THEMIS: variants seen among roughly 807,000 people sequenced by gnomAD.
The protein encoded by THEMIS is thymocyte selection associated, also known as protein THEMIS.
THEMIS carries 37 observed loss-of-function variants against 52.6 expected under a neutral mutation model. The observed-to-expected ratio is 0.70, with a 90% confidence interval of 0.54 to 0.93. The LOEUF is 0.93. THEMIS is among the 40% of genes least tolerant of loss of function. THEMIS has a pLI of 0.00. For synonymous variants in THEMIS, 292 were observed against 272.7 expected, an observed-to-expected ratio of 1.07 and a Z score of -0.70; for missense variants, 808 against 763.1, an observed-to-expected ratio of 1.06 and a Z score of -0.69.
intron 4 of THEMIS, among the ~76,000 whole-genome samples, chr6:127,809,837 T>C (rs1777840138): frequency 6.7e-6 from 1 of 149,912 alleles, no homozygotes; most frequent in South Asian, 2.1e-4. Context: ...AAATAACTAA[T>C]ATCATCTAGT....
chr6:127,729,364 A>C (rs974734175), intron 4 of THEMIS, among the ~76,000 whole-genome samples: 5 of 151,976 alleles, frequency 3.3e-5, no homozygotes, highest in African/African-American at 9.7e-5. Context: ...TCCTTTCGAG[A>C]GGTCTATGGA....
chr6:127,749,796 A>T (rs1775571510), intron 4 of THEMIS, among the ~76,000 whole-genome samples: 1 of 151,570 alleles, frequency 6.6e-6, no homozygotes, highest in African/African-American at 2.4e-5. Flanking sequence ...GCTGAACTGA[A>T]AGTTTATTAG....
At chr6:127,759,395 T>C (rs1775939953) in intron 4 of THEMIS, among the ~76,000 whole-genome samples, 1 of 152,168 alleles carries the variant, frequency 6.6e-6, no homozygotes, top group Admixed American at 6.5e-5. Context: ...ATAAATTGAA[T>C]ATATTCAACT....
At chr6:127,738,452 CAA>C (rs1775082129) in intron 4 of THEMIS, among the ~76,000 whole-genome samples, 1 of 152,174 alleles carries the variant, frequency 6.6e-6, no homozygotes, top group Non-Finnish European at 1.5e-5. Context: ...ATTACAATAG[CAA>C]AGAGTTACAA....
At chr6:127,711,006 C>T (rs1773962094) in intron 5 of THEMIS, among the ~76,000 whole-genome samples, 1 of 146,798 alleles carries the variant, frequency 6.8e-6, no homozygotes, top group Middle Eastern at 3.2e-3. Flanking sequence ...TTCCTTCCTC[C>T]TTCCTTCCAT....
chr6:127,858,981 G>A (rs1452312343), intron 1 of THEMIS, among the ~76,000 whole-genome samples: 1 of 152,032 alleles, frequency 6.6e-6, no homozygotes, highest in Non-Finnish European at 1.5e-5. Flanking sequence ...CCTTTTATGA[G>A]CTCATCCCTT....
At chr6:127,855,253 A>G (rs1779580887) in intron 1 of THEMIS, 65 bp from the exon 2 acceptor site, 1 of 1,352,360 alleles carries the variant, frequency 7.4e-7, no homozygotes, top group Non-Finnish European at 9.9e-7. Flanking sequence ...AAGTAGACTC[A>G]AAAGCTTAAT....
At chr6:127,754,089 CA>C (rs1775739217) in intron 4 of THEMIS, among the ~76,000 whole-genome samples, 1 of 152,202 alleles carries the variant, frequency 6.6e-6, no homozygotes, top group South Asian at 2.1e-4. Context: ...AATCATACCT[CA>C]ATAAATTATC....
intron 2 of THEMIS, among the ~76,000 whole-genome samples, chr6:127,844,722 T>A (rs1376910884): frequency 6.6e-6 from 1 of 151,908 alleles, no homozygotes; most frequent in Non-Finnish European, 1.5e-5. Flanking sequence ...CAGGAGGTAA[T>A]CCAGAAATTT....
rs759191168 is a variant in THEMIS, at chr6:127,855,039, T to C, written c.241A>G (p.Asn81Asp). Residue 81 changes from asparagine (N) to aspartate (D), a missense_variant, in exon 2 of 6, where the codon AAT (asparagine) becomes GAT (aspartate). By Grantham distance (23) the Asn-to-Asp change is conservative (BLOSUM62 1). Transcript: ENST00000368248. ...TTGCAATGTGCTGTACCTGGAAAAT[T>C]CATAGGCAGTTCAAATGGCTGTAGA... is the stretch of plus-strand genomic sequence containing the variant. ...ESLQPFELPM[N>D]FPGLFKIVAD... 1 of 1,604,644 alleles carries C rather than the reference T, an allele frequency of 6.2e-7. No individual in the cohort carries two copies. Among genetic ancestry groups the C allele is most frequent in the African/African-American group, 1.3e-5 (1 of 74,302 alleles).
chr6:127,815,725 T>A (rs1778105006), intron 3 of THEMIS, among the ~76,000 whole-genome samples: 1 of 152,174 alleles, frequency 6.6e-6, no homozygotes, highest in Non-Finnish European at 1.5e-5. Context: ...AAAATTCTGG[T>A]TGTTTGAATC....
chr6:127,740,004 C>T (rs768318000), intron 4 of THEMIS, among the ~76,000 whole-genome samples: 14 of 152,222 alleles, frequency 9.2e-5, no homozygotes, highest in Non-Finnish European at 2.1e-4. Flanking sequence ...TGTCAATTTT[C>T]TCCAGAATCA....
At chr6:127,747,365 AATATTATATTATAT>A (rs1038070982) in intron 4 of THEMIS, among the ~76,000 whole-genome samples, 9 of 144,902 alleles carry the variant, frequency 6.2e-5, no homozygotes, top group African/African-American at 2.0e-4. Flanking sequence ...TATATAATAT[AATATTATATTATAT>A]ATTATAGATA....
At chr6:127,795,804 A>T (rs569876173) in intron 4 of THEMIS, among the ~76,000 whole-genome samples, 1 of 152,284 alleles carries the variant, frequency 6.6e-6, no homozygotes, top group Non-Finnish European at 1.5e-5. Context: ...TTTTGCGCCA[A>T]CCTAATACAT....
At chr6:127,792,272 T>C (rs1777184373) in intron 4 of THEMIS, among the ~76,000 whole-genome samples, 1 of 152,176 alleles carries the variant, frequency 6.6e-6, no homozygotes, top group Admixed American at 6.5e-5. Flanking sequence ...AAAAAGATAC[T>C]CTTAAATAGC....
chr6:127,839,667 C>A (rs1262000708), intron 2 of THEMIS, among the ~76,000 whole-genome samples: 1 of 152,002 alleles, frequency 6.6e-6, no homozygotes, highest in Non-Finnish European at 1.5e-5. Context: ...TATGCCCAGC[C>A]AATTAACAAC....
intron 2 of THEMIS, among the ~76,000 whole-genome samples, chr6:127,845,078 T>C (rs1779170929): frequency 6.6e-6 from 1 of 151,312 alleles, no homozygotes; most frequent in Admixed American, 6.6e-5. Flanking sequence ...CTCCAGTATA[T>C]CCCCTGAAAG....
chr6:127,892,747 T>C (rs1780849003), intron 1 of THEMIS, among the ~76,000 whole-genome samples: 1 of 152,128 alleles, frequency 6.6e-6, no homozygotes, highest in African/African-American at 2.4e-5. Flanking sequence ...AGTTGCAACC[T>C]CGAAAGTCTG....
intron 4 of THEMIS, among the ~76,000 whole-genome samples, chr6:127,797,401 C>T (rs1336822575): frequency 6.6e-6 from 1 of 152,168 alleles, no homozygotes; most frequent in Non-Finnish European, 1.5e-5. Context: ...ATGCACTAGT[C>T]AAGGTCCCTT....
Sources: allele counts gnomAD v4.1 joint callset (sites outside exome capture counted in the v4.1 genomes callset), GRCh38; gene constraint gnomAD v4.1.1; transcripts MANE v1.5; gene names NCBI Gene and HGNC (gene_info 2026-07-23, HGNC 2026-07-21).